Variants in TMCO4 observed in about 807,000 individuals in gnomAD.
TMCO4 encodes the protein transmembrane and coiled-coil domains 4.
In TMCO4, 58 loss-of-function variants were observed where a neutral mutation model predicts 64.7. The observed-to-expected ratio is 0.90, with a 90% confidence interval of 0.73 to 1.12. The LOEUF is 1.12. Among genes scored for constraint, TMCO4 ranks in the 50% most tolerant of loss-of-function variants. The pLI is 0.00. For missense variants in TMCO4, 780 were observed against 825.9 expected, an observed-to-expected ratio of 0.94 and a Z score of 0.68; for synonymous variants, 325 against 346.1, an observed-to-expected ratio of 0.94 and a Z score of 0.68.
At position 19,683,198 on chromosome 1, in the gene TMCO4, G is replaced by A. The variant is rs1395934517; in HGVS notation, c.1747C>T (p.Gln583Ter). 1 of 1,614,256 alleles carries A rather than the reference G, an allele frequency of 6.2e-7. No homozygotes were observed. Reference sequence around the variant, plus strand: ...GACTGGTCCAGCCCTACTGGCACCTGGGCTTGGCTGGGGTCTGTGGACATG... The same window carrying A: ...GACTGGTCCAGCCCTACTGGCACCTAGGCTTGGCTGGGGTCTGTGGACATG... ...LAMSTDPSQA[Q>*]VPVGLDQSEG... The change falls in exon 16 of 16, where the codon CAG (glutamine) becomes TAG (stop). Residue 583 changes from glutamine to a stop codon, truncating the protein, a stop_gained. Coordinates refer to ENST00000294543, the MANE Select transcript of TMCO4 (RefSeq NM_181719.7). LOFTEE classifies it low-confidence loss of function (END_TRUNC).
At chr1:19,752,853 C>T (rs984106318) in intron 7 of TMCO4, among the ~76,000 whole-genome samples, 2 of 150,158 alleles carry the variant, frequency 1.3e-5, no homozygotes, top group African/African-American at 4.9e-5. Flanking sequence ...TTATGAGGAT[C>T]GAGTGAGATG....
At chr1:19,791,269 A>G (rs565961974) in intron 2 of TMCO4, among the ~76,000 whole-genome samples, 102 of 152,276 alleles carry the variant, frequency 6.7e-4, no homozygotes, top group African/African-American at 2.4e-3. Flanking sequence ...ATGTTTACCT[A>G]TGTAACAAAA....
intron 10 of TMCO4, among the ~76,000 whole-genome samples, chr1:19,745,025 T>C (rs1344770153): frequency 6.6e-6 from 1 of 150,542 alleles, no homozygotes; most frequent in African/African-American, 2.5e-5. Flanking sequence ...GGTGGGCAGA[T>C]GGGTGGGTGA....
intron 13 of TMCO4, among the ~76,000 whole-genome samples, chr1:19,716,527 G>A (rs1234020884): frequency 6.6e-6 from 1 of 151,748 alleles, no homozygotes; most frequent in Non-Finnish European, 1.5e-5. Context: ...ACCACTCTTG[G>A]CCAATTTTTT....
At chr1:19,767,722 C>T (rs1191906032) in intron 6 of TMCO4, among the ~76,000 whole-genome samples, 1 of 152,144 alleles carries the variant, frequency 6.6e-6, no homozygotes, top group Non-Finnish European at 1.5e-5. Context: ...GCTTCTGACT[C>T]CCAGTCTACC....
chr1:19,775,977 G>A (rs2043186573), intron 4 of TMCO4, among the ~76,000 whole-genome samples: 3 of 152,226 alleles, frequency 2.0e-5, no homozygotes, highest in Middle Eastern at 3.4e-3. Context: ...GCATGATCTC[G>A]ACTCACTGCA....
chr1:19,707,220 G>A (rs978175612), intron 13 of TMCO4, among the ~76,000 whole-genome samples: 2 of 152,226 alleles, frequency 1.3e-5, no homozygotes, highest in African/African-American at 4.8e-5. Context: ...TGTGGGGCCT[G>A]GTGGGAGCTG....
chr1:19,794,722 T>C (rs2044218735), intron 2 of TMCO4, among the ~76,000 whole-genome samples: 1 of 152,182 alleles, frequency 6.6e-6, no homozygotes, highest in Admixed American at 6.5e-5. Context: ...TTATTCACCA[T>C]AGCCGAGAGT....
In TMCO4 at chr1:19,786,163, G is replaced by A. The variant is rs114803960; in HGVS notation, c.-9+863C>T. On this transcript the variant is annotated intron_variant, in intron 3 of 15. Coordinates refer to ENST00000294543, the MANE Select transcript of TMCO4 (RefSeq NM_181719.7). ...CTCAAGAGTATGAGGCAGGAGCATC[G>A]CTTAAGCCCAGGAGTCTGAGGAATT... 9.8e-3 allele frequency among the ~76,000 whole-genome samples: 1,487 copies of A among 152,256 alleles called. 27 individuals are homozygous for A. The highest frequency in any genetic ancestry group is 0.034 in the African/African-American group (1,395 of 41,550).
intron 2 of TMCO4, among the ~76,000 whole-genome samples, chr1:19,792,731 T>C (rs958021325): frequency 2.0e-5 from 3 of 148,990 alleles, no homozygotes; most frequent in Non-Finnish European, 4.5e-5. Context: ...GCCTTTCTTT[T>C]CCCCCTTGGA....
intron 6 of TMCO4, among the ~76,000 whole-genome samples, chr1:19,757,594 A>G (rs971992707): frequency 1.3e-5 from 2 of 151,722 alleles, no homozygotes; most frequent in Middle Eastern, 3.4e-3. Flanking sequence ...CCATCACTTA[A>G]CCCTTGACCT....
chr1:19,720,157 A>G (rs564649874), intron 13 of TMCO4, among the ~76,000 whole-genome samples: 1 of 151,826 alleles, frequency 6.6e-6, no homozygotes, highest in East Asian at 1.9e-4. Flanking sequence ...CCCTGATTAA[A>G]TTTTTACATT....
chr1:19,756,636 G>C (rs966524677), intron 6 of TMCO4, among the ~76,000 whole-genome samples: 4 of 152,132 alleles, frequency 2.6e-5, no homozygotes, highest in Non-Finnish European at 5.9e-5. Flanking sequence ...CATAAAAAGT[G>C]ATTCCTAAGA....
chr1:19,793,793 T>C (rs1489022087), intron 2 of TMCO4, among the ~76,000 whole-genome samples: 1 of 152,110 alleles, frequency 6.6e-6, no homozygotes, highest in Non-Finnish European at 1.5e-5. Flanking sequence ...TGTGCCTACA[T>C]TTACCACTGC....
intron 15 of TMCO4, among the ~76,000 whole-genome samples, chr1:19,689,652 C>G (rs1425137395): frequency 6.6e-6 from 1 of 152,238 alleles, no homozygotes; most frequent in African/African-American, 2.4e-5. Flanking sequence ...TATCCCATTC[C>G]CAGTAGAAAT....
intron 6 of TMCO4, among the ~76,000 whole-genome samples, chr1:19,769,289 T>C (rs2042878404): frequency 6.6e-6 from 1 of 152,204 alleles, no homozygotes; most frequent in African/African-American, 2.4e-5. Flanking sequence ...TTCTGCAGCA[T>C]GAAGAATGGT....
chr1:19,776,619 AC>A (rs1214910523), intron 4 of TMCO4, among the ~76,000 whole-genome samples: 1 of 152,154 alleles, frequency 6.6e-6, no homozygotes, highest in African/African-American at 2.4e-5. Context: ...ATCAACACAT[AC>A]CCTCCTTACA....
intron 7 of TMCO4, among the ~76,000 whole-genome samples, chr1:19,752,327 G>A (rs888594397): frequency 1.2e-4 from 19 of 152,140 alleles, no homozygotes; most frequent in African/African-American, 4.1e-4. Flanking sequence ...TCGTAGTCAC[G>A]GTCATGCTGA....
chr1:19,745,364 TG>T, intron 10 of TMCO4, 167 bp downstream of exon 10: 1 of 1,037,894 alleles, frequency 9.6e-7, no homozygotes, highest in Non-Finnish European at 1.4e-6. Flanking sequence ...GATGGGCAGG[TG>T]GACAGATGTG....
Sources: allele counts gnomAD v4.1 joint callset (sites outside exome capture counted in the v4.1 genomes callset), GRCh38; gene constraint gnomAD v4.1.1; transcripts MANE v1.5; gene names NCBI Gene and HGNC (gene_info 2026-07-23, HGNC 2026-07-21).